The following CEP57L1 variants were observed in gnomAD, a reference collection of about 807,000 sequenced individuals.
The protein encoded by CEP57L1 is centrosomal protein CEP57L1.
A neutral mutation model predicts 61.0 loss-of-function variants in CEP57L1; 37 were observed. That is an observed-to-expected ratio of 0.61 (90% CI 0.47 to 0.80). CEP57L1 has a LOEUF of 0.80. Among genes scored for constraint, CEP57L1 ranks in the 30% least tolerant of loss-of-function variants. The probability of loss-of-function intolerance (pLI) is 0.00; values close to 1 mark genes in which losing one functional copy is unlikely to be tolerated. For synonymous variants in CEP57L1, 137 were observed against 162.3 expected, an observed-to-expected ratio of 0.84 and a Z score of 1.19; for missense variants, 422 against 524.7, an observed-to-expected ratio of 0.80 and a Z score of 1.91.
chr6:109,115,609 A>T (rs894633669), intron 1 of CEP57L1, among the ~76,000 whole-genome samples: 19 of 152,204 alleles, frequency 1.2e-4, no homozygotes, highest in South Asian at 6.2e-4. Context: ...TATTTTTTTT[A>T]AAAAATCTGA....
At chr6:109,098,704 T>C (rs970273619) in intron 1 of CEP57L1, among the ~76,000 whole-genome samples, 4 of 152,078 alleles carry the variant, frequency 2.6e-5, no homozygotes, top group African/African-American at 9.7e-5. Context: ...AGGCTGGTCT[T>C]GAACTCCTCA....
rs1033955313 is a variant in CEP57L1 at position 109,167,626 on chromosome 6, G to A, written c.*4656G>A. 2.6e-5 allele frequency among the ~76,000 whole-genome samples: 4 copies of A among 151,504 alleles called. No homozygotes were observed. Among genetic ancestry groups the A allele is most frequent in the African/African-American group, 9.7e-5 (4 of 41,112 alleles). ...TGGGAGGCAGAGGTTGCGGTGAGCC[G>A]AGATTGTGCCACTGCACTCCAGCCT... On this transcript the variant is annotated 3_prime_UTR_variant, in exon 11 of 11. Coordinates refer to ENST00000517392, the MANE Select transcript of CEP57L1 (RefSeq NM_001271852.3).
In CEP57L1 at chr6:109,168,137, A is replaced by AT. The variant is rs1004361189; in HGVS notation, c.*5170dup. On this transcript the variant is annotated 3_prime_UTR_variant, in exon 11 of 11. Transcript: ENST00000517392. Reference sequence around the variant, plus strand: ...ATTTCTTCATTTTCTATCTATCTTGATTTATATACCTTCACCTTTTTAAAT... The same window carrying AT: ...ATTTCTTCATTTTCTATCTATCTTGATTTTATATACCTTCACCTTTTTAAAT... Among the ~76,000 whole-genome samples the AT allele has an allele frequency of 5.3e-5, 8 of 152,192 alleles. No individual in the cohort carries two copies. Among genetic ancestry groups the AT allele is most frequent in the African/African-American group, 1.9e-4 (8 of 41,442 alleles).
intron 4 of CEP57L1, among the ~76,000 whole-genome samples, chr6:109,152,184 T>C (rs960396339): frequency 6.6e-6 from 1 of 152,168 alleles, no homozygotes; most frequent in Non-Finnish European, 1.5e-5. Flanking sequence ...CTTTTATCTT[T>C]TTTATTTTTT....
chr6:109,152,435 G>A (rs1772720083), intron 4 of CEP57L1, among the ~76,000 whole-genome samples: 1 of 152,012 alleles, frequency 6.6e-6, no homozygotes, highest in African/African-American at 2.4e-5. Flanking sequence ...CACCCACCTT[G>A]GCCTCCCAAA....
intron 1 of CEP57L1, among the ~76,000 whole-genome samples, chr6:109,112,701 G>A (rs146802567): frequency 2.0e-5 from 3 of 152,192 alleles, no homozygotes; most frequent in Admixed American, 1.3e-4. Context: ...AGAGATTCTG[G>A]TACGTTGTGT....
intron 1 of CEP57L1, among the ~76,000 whole-genome samples, chr6:109,134,406 C>T (rs1327038044): frequency 7.2e-5 from 11 of 152,102 alleles, no homozygotes; most frequent in African/African-American, 2.4e-4. Flanking sequence ...ATTGATGGGA[C>T]GTATCTCAAA....
chr6:109,151,812 T>C (rs1772645084), intron 4 of CEP57L1, among the ~76,000 whole-genome samples: 2 of 152,194 alleles, frequency 1.3e-5, no homozygotes, highest in South Asian at 4.1e-4. Context: ...TTTAAGCACA[T>C]TGAAGATTTT....
At chr6:109,142,916 G>A (rs951867708) in intron 1 of CEP57L1, among the ~76,000 whole-genome samples, 3 of 110,324 alleles carry the variant, frequency 2.7e-5, no homozygotes, top group Admixed American at 2.6e-4. Context: ...TTGCTCTCTC[G>A]CTTTCTCACT....
rs756251231 is a variant in CEP57L1 at position 109,146,867 on chromosome 6, T to C, written c.270T>C (p.Tyr90=). The C allele has an allele frequency of 1.2e-5, 20 of 1,610,826 alleles. No individual in the cohort carries two copies. Among genetic ancestry groups the C allele is most frequent in the Admixed American group, 3.4e-5 (2 of 59,528 alleles). ...TTCTTTCCAGAGAAGCAGCACAGTA[T>C]AAGAAGGCCTTAGAGAATGAAACAA... ...LNILSREAAQ[Y]KKALENETNE... Residue 90 remains tyrosine, a synonymous_variant, in exon 3 of 11, where the codon TAT becomes TAC. Transcript: ENST00000517392.
intron 5 of CEP57L1, 149 bp from the exon 6 acceptor site, chr6:109,155,081 A>T: frequency 2.5e-6 from 1 of 408,020 alleles, no homozygotes. Context: ...AAAAATCTTA[A>T]CATCTTGTGC....
chr6:109,145,766 ATTC>A (rs1771893351), intron 2 of CEP57L1, among the ~76,000 whole-genome samples: 1 of 152,008 alleles, frequency 6.6e-6, no homozygotes, highest in African/African-American at 2.4e-5. Flanking sequence ...ATCCAAAATT[ATTC>A]TTGAAAATAT....
intron 1 of CEP57L1, among the ~76,000 whole-genome samples, chr6:109,124,801 A>G (rs558993538): frequency 6.6e-6 from 1 of 152,202 alleles, no homozygotes; most frequent in East Asian, 1.9e-4. Context: ...GTTAAGAACT[A>G]GCACCTCCAG....
intron 1 of CEP57L1, among the ~76,000 whole-genome samples, chr6:109,133,649 A>G (rs1313130739): frequency 6.6e-6 from 1 of 152,196 alleles, no homozygotes; most frequent in African/African-American, 2.4e-5. Flanking sequence ...AAAGATCAAC[A>G]AAATTGATAG....
At chr6:109,114,248 A>G (rs572759109) in intron 1 of CEP57L1, among the ~76,000 whole-genome samples, 1 of 152,112 alleles carries the variant, frequency 6.6e-6, no homozygotes, top group Non-Finnish European at 1.5e-5. Context: ...ATAATAGCCA[A>G]TCTGACAGGT....
At chr6:109,121,966 G>A (rs1055276177) in intron 1 of CEP57L1, among the ~76,000 whole-genome samples, 8 of 152,142 alleles carry the variant, frequency 5.3e-5, no homozygotes, top group Admixed American at 3.9e-4. Context: ...AGCTTGGTAT[G>A]CATTCTATCT....
rs1230568713 is a variant in CEP57L1 at position 109,171,858 on chromosome 6, A to G, written c.*8888A>G. On this transcript the variant is annotated 3_prime_UTR_variant, in exon 11 of 11. Transcript: ENST00000517392. The stretch of plus-strand genomic sequence containing the variant: ...CATTGCCAAGACCAGGGATATAGTT[A>G]TTAGTAATTTACAGGAAAGGCTCAA... Among the ~76,000 whole-genome samples, 2 of 152,166 alleles carry G rather than the reference A, an allele frequency of 1.3e-5. No individual in the cohort carries two copies. The highest frequency in any genetic ancestry group is 2.4e-5 in the African/African-American group (1 of 41,442).
At position 109,173,534 on chromosome 6, in the gene CEP57L1, C is replaced by T. The variant is rs1406941264; in HGVS notation, c.*10564C>T. ...CAAACTCTTGGGCTTAAGCAGTCCT[C>T]CTGCCTCTGCCTCCCAAGTAGCTGG... On this transcript the variant is annotated 3_prime_UTR_variant, in exon 11 of 11. Coordinates refer to ENST00000517392, the MANE Select transcript of CEP57L1 (RefSeq NM_001271852.3). Among the ~76,000 whole-genome samples the T allele has an allele frequency of 6.6e-6, 1 of 150,438 alleles. No homozygotes were observed. The highest frequency in any genetic ancestry group is 6.6e-5 in the Admixed American group (1 of 15,124).
intron 3 of CEP57L1, among the ~76,000 whole-genome samples, chr6:109,149,422 T>C (rs1325586916): frequency 6.6e-6 from 1 of 152,204 alleles, no homozygotes; most frequent in Non-Finnish European, 1.5e-5. Context: ...AAAGATCAGA[T>C]GGTTGTAGAT....
Sources: allele counts gnomAD v4.1 joint callset (sites outside exome capture counted in the v4.1 genomes callset), GRCh38; gene constraint gnomAD v4.1.1; transcripts MANE v1.5; gene names NCBI Gene and HGNC (gene_info 2026-07-23, HGNC 2026-07-21).